DGKK: variants seen among roughly 807,000 people sequenced by gnomAD.
The protein encoded by DGKK is diacylglycerol kinase kappa, also known as 142 kDa diacylglycerol kinase.
A neutral mutation model predicts 92.2 loss-of-function variants in DGKK; 35 were observed. That is an observed-to-expected ratio of 0.38 (90% confidence interval 0.29 to 0.50). The LOEUF (loss-of-function observed/expected upper bound fraction) is 0.50, where lower values mean the gene tolerates loss of function less well. DGKK is among the 20% of genes least tolerant of loss of function. The pLI is 0.92. For missense variants in DGKK, 910 were observed against 992.2 expected, an observed-to-expected ratio of 0.92 and a Z score of 1.11; for synonymous variants, 368 against 360.6, an observed-to-expected ratio of 1.02 and a Z score of -0.23.
intron 4 of DGKK, among the ~76,000 whole-genome samples, chrX:50,412,839 G>A (rs1397313493): frequency 9.0e-6 from 1 of 111,455 alleles, no homozygotes; most frequent in African/African-American, 3.3e-5. Context: ...TATATGAGGG[G>A]TCCTGAACCT....
intron 1 of DGKK, among the ~76,000 whole-genome samples, chrX:50,451,812 A>G (rs1926501114): frequency 8.9e-6 from 1 of 111,950 alleles, no homozygotes; most frequent in Non-Finnish European, 1.9e-5. Flanking sequence ...CCAGAAGAGA[A>G]GGAAACAGCA....
rs782122897 is a variant in DGKK, at chrX:50,368,943, C to T, written c.3813G>A (p.Leu1271=). 7 of 1,206,362 alleles carry T rather than the reference C, an allele frequency of 5.8e-6. No homozygotes were observed. The highest frequency in any genetic ancestry group is 3.0e-5 in the East Asian group (1 of 33,737). Residue 1271 remains leucine (L), a synonymous_variant, in exon 28 of 28, where the codon CTG becomes CTA. Coordinates refer to ENST00000611977, the MANE Select transcript of DGKK (RefSeq NM_001013742.4). ...GAGTTCTTCCAGCTTTCAAGGGCTA[C>T]AGTTGAGATCTCGATGGTGTTAGAG... ...DDPLTPSRSQ[L]
Position 50,447,356 on chromosome X carries a change from TAATATATATATATTATA to T in DGKK, c.645+22661_645+22677del, listed in dbSNP as rs1320314496. Reference sequence around the variant, plus strand: ...TATATATATATATTATATATATATATAATATATATATATTATATATATATATAATATATATATATTAT... The same window carrying T: ...TATATATATATATTATATATATATATTATATATATAATATATATATATTAT... On this transcript the variant is annotated intron_variant, in intron 1 of 27. Transcript: ENST00000611977. Among the ~76,000 whole-genome samples, 10 of 10,591 alleles carry T rather than the reference TAATATATATATATTATA, an allele frequency of 9.4e-4. 1 individual carries two copies. Among genetic ancestry groups the T allele is most frequent in the African/African-American group, 2.7e-3 (9 of 3,373 alleles). The allele number at this position is 10,591 out of a possible 115,157, so 9.2% of individuals were successfully genotyped here. A position where few individuals can be genotyped will look rare whatever the true frequency, so the allele number is the denominator to read the frequency against.
Position 50,376,063 on chromosome X carries a change from A to G in DGKK, c.3375T>C (p.Ser1125=), listed in dbSNP as rs1557223791. 8.3e-7 allele frequency: 1 copy of G among 1,209,491 alleles called. No individual in the cohort carries two copies. The highest frequency in any genetic ancestry group is 2.2e-5 in the Admixed American group (1 of 45,714). ...ILNDIFYGQD[S]GNEMGAASCI... is the part of the protein sequence containing the mutation. Reference sequence around the variant, plus strand: ...AGGAAGCTGCACCCATCTCATTGCCACTGTCTTGGCCGTAAAATATATCAT... The same window carrying G: ...AGGAAGCTGCACCCATCTCATTGCCGCTGTCTTGGCCGTAAAATATATCAT... The change falls in exon 24 of 28, where the codon AGT becomes AGC. Residue 1125 remains serine (S), a synonymous_variant. Transcript: ENST00000611977.
chrX:50,398,977 A>G (rs1353957144), intron 8 of DGKK, among the ~76,000 whole-genome samples: 1 of 112,429 alleles, frequency 8.9e-6, no homozygotes. Context: ...AGTATCTCTT[A>G]TTTACTAAGT....
chrX:50,372,032 G>A (rs1330554530), intron 25 of DGKK, among the ~76,000 whole-genome samples, 198 bp from the exon 26 acceptor site: 2 of 111,107 alleles, frequency 1.8e-5, no homozygotes, highest in Non-Finnish European at 3.8e-5. Context: ...CTCTCCTTGG[G>A]GCTGGGCATG....
At position 50,368,074 on chromosome X, in the gene DGKK, A is replaced by G. The variant is rs907306065; in HGVS notation, c.*866T>C. On this transcript the variant is annotated 3_prime_UTR_variant, in exon 28 of 28. Transcript: ENST00000611977. The stretch of plus-strand genomic sequence containing the variant: ...CTCTTAAAAATATATATGCGTATGT[A>G]TATATATATACATCTTTATGTCTCT... 9.0e-6 allele frequency: 1 copy of G among 110,750 alleles called. No homozygotes were observed. The highest frequency in any genetic ancestry group is 1.9e-5 in the Non-Finnish European group (1 of 53,013). 9.1% of individuals were successfully genotyped at this position (110,750 alleles called of 1,213,427 possible).
In DGKK at chrX:50,455,019, T is replaced by C. The variant is rs782502824; in HGVS notation, c.645+15015A>G. Among the ~76,000 whole-genome samples the C allele has an allele frequency of 4.5e-5, 5 of 112,214 alleles. No individual in the cohort carries two copies. The East Asian group carries it at 1.4e-3, about 32-fold the overall frequency. ...TACACGTTTTGTCTTTCAAATGAGA[T>C]TGCAGAATTTGCATCCATTTTGTTC... On this transcript the variant is annotated intron_variant, in intron 1 of 27. Coordinates refer to ENST00000611977, the MANE Select transcript of DGKK (RefSeq NM_001013742.4).
intron 8 of DGKK, among the ~76,000 whole-genome samples, chrX:50,398,687 A>G (rs1463038232): frequency 8.9e-6 from 1 of 112,109 alleles, no homozygotes; most frequent in Non-Finnish European, 1.9e-5. Context: ...TTTTAAAAAC[A>G]CCAACACAAG....
At chrX:50,370,239 C>G (rs1166947060) in intron 27 of DGKK, among the ~76,000 whole-genome samples, 187 bp downstream of exon 27, 1 of 111,533 alleles carries the variant, frequency 9.0e-6, no homozygotes, top group Non-Finnish European at 1.9e-5. Flanking sequence ...TTACCAGTGT[C>G]CATATCACTT....
intron 12 of DGKK, among the ~76,000 whole-genome samples, chrX:50,390,125 G>A (rs944707770): frequency 5.4e-5 from 6 of 112,087 alleles, no homozygotes; most frequent in African/African-American, 1.9e-4. Context: ...TAAATATTTT[G>A]AATGAATAAG....
At chrX:50,379,903 TCAG>T (rs2147119752) in intron 19 of DGKK, 75 bp downstream of exon 19, 1 of 1,005,278 alleles carries the variant, frequency 9.9e-7, no homozygotes, top group African/African-American at 1.9e-5. Context: ...TCAGGAAGAA[TCAG>T]CATGTACGGT....
At chrX:50,449,735 T>C (rs1926451990) in intron 1 of DGKK, among the ~76,000 whole-genome samples, 1 of 111,336 alleles carries the variant, frequency 9.0e-6, no homozygotes, top group African/African-American at 3.3e-5. Flanking sequence ...CAATAGCACC[T>C]ACGACTGAGT....
rs192442353 is a variant in DGKK at position 50,437,114 on chromosome X, G to A, written c.646-12756C>T. 7.2e-4 allele frequency among the ~76,000 whole-genome samples: 80 copies of A among 111,433 alleles called. No homozygotes were observed. The East Asian group carries it at 0.02, about 28-fold the overall frequency. On this transcript the variant is annotated intron_variant, in intron 1 of 27. Coordinates refer to ENST00000611977, the MANE Select transcript of DGKK (RefSeq NM_001013742.4). Reference sequence around the variant, plus strand: ...CGTGGCCATACAATTACGCACAAAAGCATCACACAAGGATCTTACTGAGAA... The same window carrying A: ...CGTGGCCATACAATTACGCACAAAAACATCACACAAGGATCTTACTGAGAA...
intron 23 of DGKK, among the ~76,000 whole-genome samples, chrX:50,376,488 G>C (rs1332043578): frequency 3.6e-5 from 4 of 111,922 alleles, no homozygotes; most frequent in Admixed American, 2.9e-4. Context: ...TTAAGGGCAA[G>C]GGTAAACAGT....
intron 1 of DGKK, among the ~76,000 whole-genome samples, chrX:50,434,836 C>T (rs1925977882): frequency 8.9e-6 from 1 of 111,931 alleles, no homozygotes; most frequent in African/African-American, 3.2e-5. Flanking sequence ...GTGCTTGCAA[C>T]CTAAAGCCAA....
intron 16 of DGKK, 33 bp from the exon 17 acceptor site, chrX:50,384,297 T>A (rs1557224733): frequency 9.7e-7 from 1 of 1,031,002 alleles, no homozygotes; most frequent in Non-Finnish European, 1.3e-6. Flanking sequence ...GGGTGACGGA[T>A]ACAAACAAAA....
chrX:50,446,649 A>G (rs1433046221), intron 1 of DGKK, among the ~76,000 whole-genome samples: 2 of 111,340 alleles, frequency 1.8e-5, no homozygotes, highest in African/African-American at 6.5e-5. Flanking sequence ...TGTGACTTGA[A>G]AATATTTTCT....
intron 1 of DGKK, among the ~76,000 whole-genome samples, chrX:50,438,241 T>A (rs1557230969): frequency 1.8e-5 from 2 of 111,167 alleles, no homozygotes; most frequent in Non-Finnish European, 1.9e-5. Flanking sequence ...CACCCCTCCA[T>A]GCATATAATT....
Sources: gnomAD v4.1 joint callset for allele counts (sites outside exome capture counted in the v4.1 genomes callset) on GRCh38, gnomAD v4.1.1 for gene constraint, MANE v1.5 for transcripts, NCBI Gene and HGNC (gene_info 2026-07-23, HGNC 2026-07-21) for gene names.